Variants in GRAMD1A observed in about 807,000 individuals in gnomAD.
GRAMD1A encodes the protein GRAM domain containing 1A.
Under a neutral mutation model 92.0 loss-of-function variants are expected in GRAMD1A, and 50 were observed. The ratio of observed to expected loss-of-function variants is 0.54; its 90% CI spans 0.43 to 0.69. The LOEUF is 0.69. Ranked by LOEUF, GRAMD1A falls within the 30% of genes least tolerant of loss-of-function variation. The pLI is 0.00. For synonymous variants in GRAMD1A, 405 were observed against 403.6 expected (o/e 1.00, Z -0.04); for missense variants, 819 against 978.9 (o/e 0.84, Z 2.18).
chr19:35,022,843 C>A, intron 16 of GRAMD1A, 57 bp from the exon 17 acceptor site: 1 of 1,569,764 alleles, frequency 6.4e-7, no homozygotes. Flanking sequence ...CTGGGGGTGT[C>A]GGGGGCAGGC....
At chr19:35,020,938 G>A (rs1278924273) in intron 13 of GRAMD1A, among the ~76,000 whole-genome samples, 2 of 152,212 alleles carry the variant, frequency 1.3e-5, no homozygotes, top group Non-Finnish European at 2.9e-5. Flanking sequence ...GAAGAGTTTA[G>A]ATTCTGGAGA....
rs761817768 is a variant in GRAMD1A at position 35,019,277 on chromosome 19, G to A, written c.1300G>A (p.Gly434Ser). The A allele has an allele frequency of 1.2e-6, 2 of 1,613,460 alleles. No individual in the cohort carries two copies. Among genetic ancestry groups the A allele is most frequent in the Admixed American group, 3.3e-5 (2 of 59,998 alleles). The change falls in exon 12 of 20, where the codon GGC becomes AGC. Residue 434 changes from glycine (G) to serine (S), a missense_variant. Around this residue, in one of 3 missense-constraint regions of GRAMD1A, gnomAD observed 577 missense variants for 674.6 expected, o/e 0.86. Coordinates refer to ENST00000317991, the MANE Select transcript of GRAMD1A (RefSeq NM_020895.5). ...TYTIPISNPL[G>S]PKSASVVETQ... ...CACCATCCCCATCAGCAACCCACTG[G>A]GCCCCAAGAGCGCCTCCGTGGTGGA...
intron 16 of GRAMD1A, among the ~76,000 whole-genome samples, 195 bp from the exon 17 acceptor site, chr19:35,022,705 G>GATGGA (rs2016153053): frequency 9.7e-6 from 1 of 103,056 alleles, no homozygotes; most frequent in African/African-American, 4.0e-5. Flanking sequence ...AGGATCCCGG[G>GATGGA]GTTGAGCAGA....
At chr19:35,004,487 C>T (rs781668706) in intron 1 of GRAMD1A, among the ~76,000 whole-genome samples, 12 of 152,158 alleles carry the variant, frequency 7.9e-5, no homozygotes, top group Non-Finnish European at 1.6e-4. Flanking sequence ...AGCAGCATTG[C>T]TTTATGGCGT....
rs1415456878 is a variant in GRAMD1A, at chr19:35,014,335, T to G, written c.1017T>G (p.Ser339Arg). ...TTLGPLDLLP[S>R]EELLTDTSNS... ...TGGGCCCCTTGGATCTGCTGCCCAG[T>G]GAGGAGCTATTGACAGACACAAGTA... The change falls in exon 10 of 20, where the codon AGT becomes AGG. Residue 339 changes from serine to arginine, a missense_variant. By Grantham distance (110) the Ser-to-Arg change is moderately radical (BLOSUM62 -1). This residue lies in a region of GRAMD1A where 577 missense variants were observed against 674.6 expected (regional missense o/e 0.86). Coordinates refer to ENST00000317991, the MANE Select transcript of GRAMD1A (RefSeq NM_020895.5). 1 of 1,614,030 alleles carries G rather than the reference T, an allele frequency of 6.2e-7. No homozygotes were observed. Among genetic ancestry groups the G allele is most frequent in the African/African-American group, 1.3e-5 (1 of 74,912 alleles).
chr19:34,999,661 G>C (rs1160120664), upstream of GRAMD1A, among the ~76,000 whole-genome samples: 1 of 152,226 alleles, frequency 6.6e-6, no homozygotes, highest in Non-Finnish European at 1.5e-5. Context: ...TTCCTGCGCT[G>C]TCCCCGGGAA....
chr19:35,003,100 T>G (rs181706863), intron 1 of GRAMD1A, among the ~76,000 whole-genome samples: 2 of 130,402 alleles, frequency 1.5e-5, no homozygotes, highest in East Asian at 4.3e-4. Flanking sequence ...GTGTAATTAC[T>G]CTGTGGCTCT....
At chr19:35,002,088 C>T (rs932684231) in intron 1 of GRAMD1A, among the ~76,000 whole-genome samples, 1 of 152,024 alleles carries the variant, frequency 6.6e-6, no homozygotes, top group African/African-American at 2.4e-5. Flanking sequence ...ACAGCTGAGA[C>T]CCTCTGTGGT....
intron 10 of GRAMD1A, 56 bp from the exon 11 acceptor site, chr19:35,015,768 G>T (rs1029283998): frequency 6.4e-7 from 1 of 1,559,428 alleles, no homozygotes; most frequent in South Asian, 1.2e-5. Flanking sequence ...GGCGTGGCCC[G>T]CAGAGGGAGG....
At chr19:34,997,096 T>C (rs1229779680), upstream of GRAMD1A, among the ~76,000 whole-genome samples, 1 of 151,884 alleles carries the variant, frequency 6.6e-6, no homozygotes, top group African/African-American at 2.4e-5. Flanking sequence ...GTATTTTTAG[T>C]AGAGACGAGG....
rs1170680899 is a variant in GRAMD1A at position 35,009,304 on chromosome 19, G to A, written c.194G>A (p.Ser65Asn). The part of the protein sequence containing the change: ...PGTPSTQSLG[S>N]RNFIRNSKKM... Reference sequence around the variant, plus strand: ...ACCCCCAGCACCCAGAGCCTAGGCAGCCGGAACTTCATCCGCAACAGCAAG... The same window carrying A: ...ACCCCCAGCACCCAGAGCCTAGGCAACCGGAACTTCATCCGCAACAGCAAG... Residue 65 changes from serine to asparagine, a missense_variant, in exon 2 of 20, where the codon AGC becomes AAC. Ser to Asn is a conservative substitution (Grantham distance 46, BLOSUM62 1). Transcript: ENST00000317991. 3 of 1,613,922 alleles carry A rather than the reference G, an allele frequency of 1.9e-6. No homozygotes were observed. Among genetic ancestry groups the A allele is most frequent in the African/African-American group, 1.3e-5 (1 of 74,938 alleles).
Position 35,021,594 on chromosome 19 carries a change from T to C in GRAMD1A, c.1568T>C (p.Phe523Ser), listed in dbSNP as rs377171333. 1.0e-4 allele frequency: 169 copies of C among 1,613,900 alleles called. No homozygotes were observed. Among genetic ancestry groups the C allele is most frequent in the Non-Finnish European group, 1.4e-4 (164 of 1,179,874 alleles). ...TCGTGGAGCGGCATTGAAGACTATT[T>C]CCACCATCTGGGTAGGGACAGAAGG... ...KNSWSGIEDY[F>S]HHLERELAKA... The change falls in exon 14 of 20, where the codon TTC becomes TCC. Residue 523 changes from phenylalanine to serine, a missense_variant. Physicochemically the swap from Phe to Ser is radical, Grantham distance 155. Transcript: ENST00000317991. This position sits in a 1 kb window ranked among gnomAD's most constrained non-coding sequence, Gnocchi z 5.3.
intron 1 of GRAMD1A, among the ~76,000 whole-genome samples, chr19:35,003,759 C>T (rs767077188): frequency 2.0e-5 from 3 of 152,238 alleles, no homozygotes; most frequent in Admixed American, 2.0e-4. Flanking sequence ...TGTGCACCTC[C>T]GCTACTCCCT....
chr19:35,005,727 T>C (rs2014763312), intron 1 of GRAMD1A, among the ~76,000 whole-genome samples: 1 of 152,190 alleles, frequency 6.6e-6, no homozygotes, highest in African/African-American at 2.4e-5. Flanking sequence ...CGCATTGTGC[T>C]GGGGACAGAG....
Position 35,013,255 on chromosome 19 carries a change from GA to G in GRAMD1A, c.607del (p.Thr203ArgfsTer2). ...RLWQNALLEK[T>X]LSPRELWHLV... is the part of the protein sequence containing the mutation. ...GCCAACCCCAGGTCCCGCCTCCCCAGACGCTGAGTCCCCGCGAGCTCTGGCA... is the reference window on the plus strand; with the variant it reads ...GCCAACCCCAGGTCCCGCCTCCCCAGCGCTGAGTCCCCGCGAGCTCTGGCA... On this transcript the variant is annotated frameshift_variant and splice_region_variant, in exon 8 of 20. Transcript: ENST00000317991. LOFTEE classifies it high-confidence loss of function. The surrounding 1 kb of genome is among the most constrained non-coding windows in gnomAD (Gnocchi z 4.9). 1 of 1,527,954 alleles carries G rather than the reference GA, an allele frequency of 6.5e-7. No individual in the cohort carries two copies. Among genetic ancestry groups the G allele is most frequent in the Non-Finnish European group, 8.9e-7 (1 of 1,128,574 alleles). The allele number at this position is 1,527,954 out of a possible 1,614,324, so 94.6% of individuals were successfully genotyped here. A position where few individuals can be genotyped will look rare whatever the true frequency, so the allele number is the denominator to read the frequency against.
In GRAMD1A at chr19:35,010,275, T is replaced by C. The variant is rs761345775; in HGVS notation, c.430-9T>C. The C allele has an allele frequency of 1.2e-6, 2 of 1,610,034 alleles. No individual in the cohort carries two copies. The highest frequency in any genetic ancestry group is 1.7e-6 in the Non-Finnish European group (2 of 1,176,208). ...ACCCCGCTCCTATTGACCCTCCTGC[T>C]GTCCTCAGATCTCCATCCAGCTGAA... On this transcript the variant is annotated splice_polypyrimidine_tract_variant and intron_variant, in intron 5 of 19. Coordinates refer to ENST00000317991, the MANE Select transcript of GRAMD1A (RefSeq NM_020895.5).
rs1484816597 is a variant in GRAMD1A, at chr19:35,026,140, G to A, written c.2174G>A (p.Ter725=). 4 of 1,512,348 alleles carry A rather than the reference G, an allele frequency of 2.6e-6. No homozygotes were observed. The highest frequency in any genetic ancestry group is 3.7e-6 in the Non-Finnish European group (4 of 1,087,526). 93.7% of individuals were successfully genotyped at this position (1,512,348 alleles called of 1,614,324 possible). The change falls in exon 20 of 20, where the codon TGA becomes TAA. Residue 725 remains the stop codon, a stop_retained_variant. Coordinates refer to ENST00000317991, the MANE Select transcript of GRAMD1A (RefSeq NM_020895.5). ...TQPRPDDSFS[*] ...CCCCGGCCCGATGACAGCTTTTCCT[G>A]AGGACCCCGGCCACGCAGCTGTTCC... is the stretch of plus-strand genomic sequence containing the variant.
intron 3 of GRAMD1A, 155 bp from the exon 4 acceptor site, chr19:35,009,733 A>C (rs1287164042): frequency 3.0e-6 from 2 of 663,834 alleles, no homozygotes; most frequent in Admixed American, 2.3e-5. Context: ...TACATAAGAA[A>C]TCTGTAAATG....
chr19:35,016,314 G>A (rs1237661639), intron 11 of GRAMD1A, among the ~76,000 whole-genome samples: 1 of 124,242 alleles, frequency 8.0e-6, no homozygotes, highest in Non-Finnish European at 1.7e-5. Flanking sequence ...AGGCTGAGGC[G>A]GGGCTGGTGC....
Sources: allele counts gnomAD v4.1 joint callset (sites outside exome capture counted in the v4.1 genomes callset), GRCh38; gene constraint gnomAD v4.1.1; regional missense constraint gnomAD v4.1.1; non-coding constraint Gnocchi (gnomAD v3.1); transcripts MANE v1.5; gene names NCBI Gene and HGNC (gene_info 2026-07-23, HGNC 2026-07-21).